The following ZNF644 variants were observed in gnomAD, a reference collection of about 807,000 sequenced individuals.
ZNF644 encodes zinc finger protein 644.
A neutral mutation model predicts 108.0 loss-of-function variants in ZNF644; 20 were observed. That is an observed-to-expected ratio of 0.19 (90% CI 0.13 to 0.27). The LOEUF is 0.27. Among genes scored for constraint, ZNF644 ranks in the 10% least tolerant of loss-of-function variants. ZNF644 has a pLI of 1.00. For missense variants in ZNF644, 1,338 were observed against 1,548.9 expected, an observed-to-expected ratio of 0.86 and a Z score of 2.29; for synonymous variants, 542 against 539.1, an observed-to-expected ratio of 1.01 and a Z score of -0.08.
At position 90,938,056 on chromosome 1, in the gene ZNF644, A is replaced by T. The variant is rs774122924; in HGVS notation, c.3117T>A (p.Thr1039=). 4.3e-6 allele frequency: 7 copies of T among 1,610,860 alleles called. No individual in the cohort carries two copies. The South Asian group carries it at 6.6e-5, about 15-fold the overall frequency. The change falls in exon 4 of 6, where the codon ACT becomes ACA. Residue 1039 remains threonine, a synonymous_variant. Coordinates refer to ENST00000337393, the MANE Select transcript of ZNF644 (RefSeq NM_201269.3). The surrounding 1 kb of genome is among the most constrained non-coding windows in gnomAD (Gnocchi z 4.2). ...CAAACCAACCACCACAGAGCTGACAAGTGTGTTCAGAAGTGGTTTCAGACT... is the reference window on the plus strand; with the variant it reads ...CAAACCAACCACCACAGAGCTGACATGTGTGTTCAGAAGTGGTTTCAGACT... ...IEKSETTSEH[T]CQLCGGWFDT...
intron 1 of ZNF644, among the ~76,000 whole-genome samples, chr1:91,018,773 T>A (rs1407355061): frequency 6.6e-6 from 1 of 152,228 alleles, no homozygotes; most frequent in Admixed American, 6.5e-5. Flanking sequence ...TTTCTCTAGA[T>A]TGCAGATATC....
chr1:90,995,211 TAAAAAA>T (rs1298509516), intron 1 of ZNF644, among the ~76,000 whole-genome samples: 1 of 151,198 alleles, frequency 6.6e-6, no homozygotes, highest in African/African-American at 2.4e-5. Context: ...GACAGAAACT[TAAAAAA>T]AAGAAAAAGC....
chr1:90,971,321 C>T (rs990390442), intron 2 of ZNF644, among the ~76,000 whole-genome samples: 2 of 144,702 alleles, frequency 1.4e-5, no homozygotes, highest in Non-Finnish European at 3.0e-5. Context: ...AAAAAAAAGA[C>T]AAAATTCAAT....
At chr1:90,960,652 G>C (rs922670921) in intron 2 of ZNF644, among the ~76,000 whole-genome samples, 1 of 152,026 alleles carries the variant, frequency 6.6e-6, no homozygotes, top group Non-Finnish European at 1.5e-5. Context: ...CACTTCCTTA[G>C]ACCCTCTCCA....
At chr1:90,947,219 T>C (rs1652607852) in intron 2 of ZNF644, among the ~76,000 whole-genome samples, 1 of 152,194 alleles carries the variant, frequency 6.6e-6, no homozygotes, top group Non-Finnish European at 1.5e-5. Context: ...TACTAAGTCA[T>C]AGTTAGCACA....
intron 2 of ZNF644, among the ~76,000 whole-genome samples, chr1:90,979,901 G>A (rs1656377348): frequency 6.6e-6 from 1 of 152,130 alleles, no homozygotes; most frequent in Admixed American, 6.5e-5. Context: ...TATTTTACTA[G>A]CCACTGTATT....
intron 4 of ZNF644, among the ~76,000 whole-genome samples, chr1:90,935,889 G>T (rs980814364): frequency 1.3e-5 from 2 of 152,082 alleles, no homozygotes; most frequent in African/African-American, 4.8e-5. Context: ...AAGTTTCAAA[G>T]CTTACAACAT....
At chr1:90,953,397 G>T (rs1053714173) in intron 2 of ZNF644, among the ~76,000 whole-genome samples, 15 of 151,832 alleles carry the variant, frequency 9.9e-5, no homozygotes, top group African/African-American at 3.6e-4. Flanking sequence ...GGGGTGAAGG[G>T]AGAGCATCAG....
intron 1 of ZNF644, among the ~76,000 whole-genome samples, chr1:90,999,266 G>A (rs1417994672): frequency 6.6e-6 from 1 of 152,128 alleles, no homozygotes; most frequent in African/African-American, 2.4e-5. Flanking sequence ...TTGAAATGAA[G>A]GAAAAATGTT....
At position 90,967,114 on chromosome 1, in the gene ZNF644, C is replaced by T. The variant is rs1570455850; in HGVS notation, c.44+15196G>A. Reference sequence around the variant, plus strand: ...AATGGCTTTGCTGGGCCCTGCCTATCTCTCCACTGTAGTCTCAGATTCTAC... The same window carrying T: ...AATGGCTTTGCTGGGCCCTGCCTATTTCTCCACTGTAGTCTCAGATTCTAC... On this transcript the variant is annotated intron_variant, in intron 2 of 5. Transcript: ENST00000337393. 6.6e-5 allele frequency among the ~76,000 whole-genome samples: 10 copies of T among 152,240 alleles called. No homozygotes were observed. The South Asian group carries it at 2.1e-3, about 32-fold the overall frequency.
chr1:91,010,815 C>G (rs1246013530), intron 1 of ZNF644, among the ~76,000 whole-genome samples: 3 of 152,072 alleles, frequency 2.0e-5, no homozygotes, highest in Non-Finnish European at 4.4e-5. Context: ...TGTATGACAA[C>G]TAACCCAGTT....
chr1:91,008,774 T>G (rs1212476960), intron 1 of ZNF644, among the ~76,000 whole-genome samples: 1 of 152,204 alleles, frequency 6.6e-6, no homozygotes, highest in Non-Finnish European at 1.5e-5. Context: ...AAAACCTCAC[T>G]ATTAACGTCT....
intron 2 of ZNF644, among the ~76,000 whole-genome samples, chr1:90,956,050 T>C (rs74099875): frequency 0.013 from 1,921 of 152,202 alleles, 38 homozygotes; most frequent in African/African-American, 0.044. Context: ...TTGTGTCTCA[T>C]GGAATAGGGA....
chr1:90,923,078 T>C (rs374315954), intron 4 of ZNF644, among the ~76,000 whole-genome samples: 1 of 152,274 alleles, frequency 6.6e-6, no homozygotes, highest in East Asian at 1.9e-4. Context: ...AAAGTTTCAT[T>C]TATTCAGCTT....
chr1:90,949,271 C>A (rs1652837934), intron 2 of ZNF644, among the ~76,000 whole-genome samples: 1 of 151,288 alleles, frequency 6.6e-6, no homozygotes, highest in South Asian at 2.1e-4. Flanking sequence ...TCTTTGAGAA[C>A]TAAAAAAAAG....
chr1:90,996,541 T>C (rs945336724), intron 1 of ZNF644, among the ~76,000 whole-genome samples: 20 of 152,302 alleles, frequency 1.3e-4, no homozygotes, highest in African/African-American at 4.6e-4. Context: ...TCCCAACTAC[T>C]TGAGAGGCTG....
intron 2 of ZNF644, chr1:90,973,278 G>A (rs887724106): frequency 3.3e-5 from 5 of 152,104 alleles, no homozygotes; most frequent in African/African-American, 1.2e-4. Context: ...AATAAAGTAA[G>A]AGTATACATG....
chr1:90,928,620 G>A (rs1449226049), intron 4 of ZNF644, among the ~76,000 whole-genome samples: 2 of 151,952 alleles, frequency 1.3e-5, no homozygotes, highest in African/African-American at 4.8e-5. Context: ...ACCACGCCCG[G>A]CCTCCTTATT....
At chr1:91,018,350 T>C (rs922303765) in intron 1 of ZNF644, among the ~76,000 whole-genome samples, 6 of 152,206 alleles carry the variant, frequency 3.9e-5, no homozygotes, top group African/African-American at 1.4e-4. Context: ...CTTCAGTCAA[T>C]GCTATACCTG....
Sources: gnomAD v4.1 joint callset for allele counts (sites outside exome capture counted in the v4.1 genomes callset) on GRCh38, gnomAD v4.1.1 for gene constraint, Gnocchi (gnomAD v3.1) non-coding constraint, MANE v1.5 for transcripts, NCBI Gene and HGNC (gene_info 2026-07-23, HGNC 2026-07-21) for gene names.